Variants in ZNF385B observed in about 807,000 individuals in gnomAD.
The protein encoded by ZNF385B is zinc finger protein 385B.
Under a neutral mutation model 39.2 loss-of-function variants are expected in ZNF385B, and 23 were observed. The ratio of observed to expected loss-of-function variants is 0.59; its 90% CI spans 0.42 to 0.83. ZNF385B has a LOEUF of 0.83. ZNF385B is among the 40% of genes least tolerant of loss of function. The pLI, the probability that ZNF385B is intolerant of heterozygous loss-of-function variation, is 0.00. For missense variants in ZNF385B, 552 were observed against 598.9 expected, an observed-to-expected ratio of 0.92 and a Z score of 0.82; for synonymous variants, 205 against 222.6, an observed-to-expected ratio of 0.92 and a Z score of 0.70.
intron 5 of ZNF385B, among the ~76,000 whole-genome samples, chr2:179,488,200 G>A (rs890969246): frequency 5.3e-5 from 8 of 151,902 alleles, no homozygotes; most frequent in African/African-American, 1.9e-4. Context: ...CTGGAGTGCA[G>A]TGGTGCAATC....
intron 3 of ZNF385B, among the ~76,000 whole-genome samples, chr2:179,766,271 C>A (rs1052498200): frequency 1.3e-5 from 2 of 151,972 alleles, no homozygotes; most frequent in African/African-American, 2.4e-5. Flanking sequence ...ACTACAAAAC[C>A]GACCCAGAAG....
intron 4 of ZNF385B, among the ~76,000 whole-genome samples, chr2:179,520,365 A>G (rs529635035): frequency 6.6e-6 from 1 of 152,240 alleles, no homozygotes; most frequent in South Asian, 2.1e-4. Flanking sequence ...AATCTAACAT[A>G]TCATTACTGG....
At chr2:179,727,716 C>T (rs955146766) in intron 3 of ZNF385B, among the ~76,000 whole-genome samples, 2 of 151,938 alleles carry the variant, frequency 1.3e-5, no homozygotes, top group African/African-American at 4.8e-5. Context: ...ATTTGAATAA[C>T]CACTATGGAA....
chr2:179,544,750 T>C, intron 4 of ZNF385B, 77 bp downstream of exon 4: 5 of 1,557,078 alleles, frequency 3.2e-6, no homozygotes, highest in Admixed American at 1.7e-5. Context: ...GGAAACAGGC[T>C]GTATCTATTG....
chr2:179,758,892 A>T (rs1435114258), intron 3 of ZNF385B, among the ~76,000 whole-genome samples: 2 of 152,228 alleles, frequency 1.3e-5, no homozygotes, highest in Non-Finnish European at 1.5e-5. Flanking sequence ...GACCCACAGA[A>T]TCATAATTAA....
intron 3 of ZNF385B, among the ~76,000 whole-genome samples, chr2:179,602,038 C>T (rs1198798711): frequency 6.6e-6 from 1 of 152,118 alleles, no homozygotes; most frequent in Non-Finnish European, 1.5e-5. Flanking sequence ...TATATAAAGT[C>T]TATGGCATCA....
At chr2:179,610,328 C>G (rs572670754) in intron 3 of ZNF385B, among the ~76,000 whole-genome samples, 78 of 152,094 alleles carry the variant, frequency 5.1e-4, no homozygotes, top group Admixed American at 1.5e-3. Flanking sequence ...TCCCCAATCT[C>G]TGTTCTTTGC....
chr2:179,830,377 T>C (rs906723439), intron 1 of ZNF385B, among the ~76,000 whole-genome samples: 1 of 152,204 alleles, frequency 6.6e-6, no homozygotes, highest in African/African-American at 2.4e-5. Context: ...CTCCTGGATA[T>C]TTACTTAAAT....
chr2:179,596,336 G>T (rs1687997430), intron 3 of ZNF385B, among the ~76,000 whole-genome samples: 1 of 152,124 alleles, frequency 6.6e-6, no homozygotes, highest in African/African-American at 2.4e-5. Flanking sequence ...TTATCAGCCT[G>T]CTTTCTGCAA....
intron 1 of ZNF385B, among the ~76,000 whole-genome samples, chr2:179,839,847 C>G (rs555638142): frequency 6.6e-6 from 1 of 152,164 alleles, no homozygotes; most frequent in East Asian, 1.9e-4. Flanking sequence ...TTGAGAGAAA[C>G]AGAGGCCATC....
At chr2:179,681,921 A>G (rs1697551562) in intron 3 of ZNF385B, among the ~76,000 whole-genome samples, 1 of 152,236 alleles carries the variant, frequency 6.6e-6, no homozygotes, top group African/African-American at 2.4e-5. Flanking sequence ...CATGCCTATA[A>G]TCTTGTAAGA....
chr2:179,726,824 T>C (rs1281644681), intron 3 of ZNF385B, among the ~76,000 whole-genome samples: 2 of 152,128 alleles, frequency 1.3e-5, no homozygotes, highest in Non-Finnish European at 2.9e-5. Context: ...GCACATAGGA[T>C]ATCTGTCAGT....
At chr2:179,566,235 T>A (rs1251481632) in intron 3 of ZNF385B, among the ~76,000 whole-genome samples, 1 of 152,252 alleles carries the variant, frequency 6.6e-6, no homozygotes, top group Non-Finnish European at 1.5e-5. Context: ...TGAAGTATGT[T>A]CCTAATTTTG....
chr2:179,745,707 G>A (rs200511244), intron 3 of ZNF385B: 485 of 1,537,776 alleles, frequency 3.2e-4, no homozygotes, highest in Non-Finnish European at 3.6e-4. Flanking sequence ...GAATAAAAAC[G>A]CTCACCTCTG....
intron 3 of ZNF385B, among the ~76,000 whole-genome samples, chr2:179,574,541 T>C (rs1685589364): frequency 6.6e-6 from 1 of 152,136 alleles, no homozygotes; most frequent in Non-Finnish European, 1.5e-5. Context: ...GGGTAACTAC[T>C]AAAATAATGA....
intron 3 of ZNF385B, among the ~76,000 whole-genome samples, chr2:179,675,638 G>A (rs758723895): frequency 2.0e-5 from 3 of 152,080 alleles, no homozygotes; most frequent in Non-Finnish European, 2.9e-5. Flanking sequence ...GGCAAGAGCA[G>A]GAGGAAAAGG....
intron 3 of ZNF385B, among the ~76,000 whole-genome samples, chr2:179,680,006 C>T (rs1330899879): frequency 6.6e-6 from 1 of 152,110 alleles, no homozygotes; most frequent in African/African-American, 2.4e-5. Context: ...CACTTTCTTT[C>T]TTTTAAGAAA....
chr2:179,588,814 A>G (rs1265126216), intron 3 of ZNF385B, among the ~76,000 whole-genome samples: 1 of 152,164 alleles, frequency 6.6e-6, no homozygotes, highest in African/African-American at 2.4e-5. Context: ...AATGGTGGTG[A>G]GTCTGAAAAG....
chr2:179,539,882 A>G (rs2059807797), intron 4 of ZNF385B, among the ~76,000 whole-genome samples: 1 of 151,822 alleles, frequency 6.6e-6, no homozygotes, highest in African/African-American at 2.4e-5. Context: ...TGTTTACTTC[A>G]TTTTTTCCTT....
Sources: gnomAD v4.1 joint callset for allele counts (sites outside exome capture counted in the v4.1 genomes callset) on GRCh38, gnomAD v4.1.1 for gene constraint, MANE v1.5 for transcripts, NCBI Gene and HGNC (gene_info 2026-07-23, HGNC 2026-07-21) for gene names.